BORCS5: variants seen among roughly 807,000 people sequenced by gnomAD.
BORCS5 encodes the protein BLOC-1 related complex subunit 5.
BORCS5 carries 17 observed loss-of-function variants against 22.1 expected under a neutral mutation model. The ratio of observed to expected loss-of-function variants is 0.77; its 90% confidence interval spans 0.53 to 1.15. The LOEUF is 1.15. Among genes scored for constraint, BORCS5 ranks in the 50% most tolerant of loss-of-function variants. The probability of loss-of-function intolerance (pLI) is 0.00; values close to 1 mark genes in which losing one functional copy is unlikely to be tolerated. For synonymous variants in BORCS5, 117 were observed against 99.8 expected (o/e 1.17, Z -1.03); for missense variants, 247 against 253.2 (o/e 0.98, Z 0.17).
chr12:12,373,994 T>TTTTC (rs1373185463), intron 2 of BORCS5, among the ~76,000 whole-genome samples: 1 of 143,964 alleles, frequency 6.9e-6, no homozygotes, highest in African/African-American at 2.7e-5. Context: ...TTTTTTTTTT[T>TTTTC]TTTTTTTTTT....
chr12:12,419,519 C>T (rs1942059420), intron 2 of BORCS5, among the ~76,000 whole-genome samples: 1 of 152,184 alleles, frequency 6.6e-6, no homozygotes, highest in African/African-American at 2.4e-5. Flanking sequence ...GTGCATGTGT[C>T]TTTATAGCAG....
At chr12:12,414,300 C>A (rs1941847465) in intron 2 of BORCS5, among the ~76,000 whole-genome samples, 1 of 68,188 alleles carries the variant, frequency 1.5e-5, no homozygotes, top group Non-Finnish European at 3.0e-5. Flanking sequence ...AGGCGCCCCT[C>A]ACCTCCCGGA....
intron 2 of BORCS5, among the ~76,000 whole-genome samples, chr12:12,416,510 C>T (rs934620870): frequency 6.6e-6 from 1 of 152,034 alleles, no homozygotes; most frequent in Non-Finnish European, 1.5e-5. Flanking sequence ...GTGGTGCAAT[C>T]ATAGCTCATT....
chr12:12,428,802 G>A (rs2111270), intron 2 of BORCS5, among the ~76,000 whole-genome samples: 33,366 of 152,048 alleles, frequency 0.22, 4,756 homozygotes, highest in Admixed American at 0.3. Context: ...AATATTAGTT[G>A]TTGAATCTAG....
chr12:12,390,891 G>A (rs532674315), intron 2 of BORCS5, among the ~76,000 whole-genome samples: 18 of 152,078 alleles, frequency 1.2e-4, no homozygotes, highest in East Asian at 3.9e-4. Flanking sequence ...ACAGGCATAA[G>A]CCACCACGCC....
Position 12,357,106 on chromosome 12 carries a change from G to A in BORCS5, c.-346G>A. The A allele has an allele frequency of 6.5e-7, 1 of 1,534,618 alleles. No individual in the cohort carries two copies. The highest frequency in any genetic ancestry group is 8.7e-7 in the Non-Finnish European group (1 of 1,146,130). ...TGCGTCCCGGAAGGAGCGAGCTTGC[G>A]GAGCGTGAACCAGTGAGTGAAAGCG... On this transcript the variant is annotated 5_prime_UTR_variant, in exon 1 of 4. Transcript: ENST00000314565.
intron 2 of BORCS5, among the ~76,000 whole-genome samples, chr12:12,430,151 A>ATTTTTCTTTTTTT (rs1942384957): frequency 9.3e-6 from 1 of 107,748 alleles, no homozygotes; most frequent in African/African-American, 4.1e-5. Context: ...CTTAGAGAAA[A>ATTTTTCTTTTTTT]TTTTTTTTTT....
At chr12:12,442,005 C>G (rs1485854085) in intron 3 of BORCS5, among the ~76,000 whole-genome samples, 1 of 152,106 alleles carries the variant, frequency 6.6e-6, no homozygotes, top group Non-Finnish European at 1.5e-5. Flanking sequence ...TTGACAGACA[C>G]TTAGTTTTAG....
rs1348922850 is a variant in BORCS5 at position 12,386,692 on chromosome 12, A to T, written c.202+25343A>T. Among the ~76,000 whole-genome samples the T allele has an allele frequency of 8.1e-5, 12 of 149,012 alleles. 1 individual carries two copies. The highest frequency in any genetic ancestry group is 3.0e-4 in the African/African-American group (12 of 40,278). The stretch of plus-strand genomic sequence containing the variant: ...ACTATGTTGGCCAGGCTGGTCTCGA[A>T]CTCCTGACCTCAAGTGATCCACCTG... On this transcript the variant is annotated intron_variant, in intron 2 of 3. Transcript: ENST00000314565.
chr12:12,416,499 A>G (rs903204865), intron 2 of BORCS5, among the ~76,000 whole-genome samples: 35 of 151,976 alleles, frequency 2.3e-4, no homozygotes, highest in African/African-American at 8.2e-4. Context: ...GCTAGAGTGC[A>G]GTGGTGCAAT....
intron 3 of BORCS5, among the ~76,000 whole-genome samples, chr12:12,445,990 A>G (rs950688689): frequency 2.6e-5 from 4 of 152,038 alleles, no homozygotes; most frequent in Non-Finnish European, 4.4e-5. Context: ...TGTGAATCTC[A>G]TAAGAGTTCC....
In BORCS5 at chr12:12,377,175, CCTT is replaced by C. The variant is rs1484527603; in HGVS notation, c.202+15827_202+15829del. The stretch of plus-strand genomic sequence containing the variant: ...GGTTTCTCAAGAGTTGAGATTTTGT[CCTT>C]TTTTTTTTTTTTTTCTCGAGACGGA... On this transcript the variant is annotated intron_variant, in intron 2 of 3. Transcript: ENST00000314565. 2.0e-5 allele frequency among the ~76,000 whole-genome samples: 3 copies of C among 148,996 alleles called. No homozygotes were observed. In the Admixed American group the frequency reaches 2.0e-4, roughly 10 times the overall value.
rs1047546770 is a variant in BORCS5 at position 12,469,063 on chromosome 12, T to C, written c.*3287T>C. 4 of 152,116 alleles carry C rather than the reference T, an allele frequency of 2.6e-5. No homozygotes were observed. The highest frequency in any genetic ancestry group is 1.3e-4 in the Admixed American group (2 of 15,258). The allele number at this position is 152,116 out of a possible 1,614,324, so 9.4% of individuals were successfully genotyped here. ...CTGATATAGGAGTACATTCAAGAAA[T>C]GAGTTTAGGCCGGGCGCGGTGGCTC... On this transcript the variant is annotated 3_prime_UTR_variant, in exon 4 of 4. Transcript: ENST00000314565.
intron 2 of BORCS5, among the ~76,000 whole-genome samples, chr12:12,428,212 T>C (rs2136114836): frequency 6.6e-6 from 1 of 152,360 alleles, no homozygotes; most frequent in Non-Finnish European, 1.5e-5. Flanking sequence ...GCCATATGGC[T>C]CTGCACTGTG....
intron 2 of BORCS5, among the ~76,000 whole-genome samples, chr12:12,369,318 A>G (rs1863471298): frequency 6.6e-6 from 1 of 151,996 alleles, no homozygotes; most frequent in South Asian, 2.1e-4. Flanking sequence ...ATGTCTTTAT[A>G]TTTAAAGGGC....
chr12:12,389,766 C>G (rs1166857197), intron 2 of BORCS5, among the ~76,000 whole-genome samples: 1 of 152,114 alleles, frequency 6.6e-6, no homozygotes, highest in Non-Finnish European at 1.5e-5. Flanking sequence ...GCCACAGTCA[C>G]CCGAGTAGCA....
chr12:12,426,079 C>G (rs1479891691), intron 2 of BORCS5, among the ~76,000 whole-genome samples: 1 of 152,200 alleles, frequency 6.6e-6, no homozygotes, highest in Non-Finnish European at 1.5e-5. Flanking sequence ...CTCAACATCA[C>G]ACAGGTTTTA....
At chr12:12,415,854 G>T (rs1941933852) in intron 2 of BORCS5, among the ~76,000 whole-genome samples, 1 of 152,112 alleles carries the variant, frequency 6.6e-6, no homozygotes, top group African/African-American at 2.4e-5. Context: ...ATGAGTTAGG[G>T]AGTGTTTTCT....
At chr12:12,381,583 T>A (rs531052888) in intron 2 of BORCS5, among the ~76,000 whole-genome samples, 1 of 151,560 alleles carries the variant, frequency 6.6e-6, no homozygotes, top group Non-Finnish European at 1.5e-5. Flanking sequence ...GATTGTACTT[T>A]GGTGTTGTAT....
Sources: gnomAD v4.1 joint callset for allele counts (sites outside exome capture counted in the v4.1 genomes callset) on GRCh38, gnomAD v4.1.1 for gene constraint, MANE v1.5 for transcripts, NCBI Gene and HGNC (gene_info 2026-07-23, HGNC 2026-07-21) for gene names.